ITGA9: variants seen among roughly 807,000 people sequenced by gnomAD.
ITGA9 encodes integrin alpha-9.
In ITGA9, 56 loss-of-function variants were observed where a neutral mutation model predicts 127.8. The ratio of observed to expected loss-of-function variants is 0.44; its 90% CI spans 0.35 to 0.55. The LOEUF is 0.55. Ranked by LOEUF, ITGA9 falls within the 20% of genes least tolerant of loss-of-function variation. The pLI is 0.00. For missense variants in ITGA9, 1,196 were observed against 1,347.1 expected (o/e 0.89, Z 1.76); for synonymous variants, 508 against 514.5 (o/e 0.99, Z 0.17).
At chr3:37,495,316 C>T (rs901478627) in intron 5 of ITGA9, among the ~76,000 whole-genome samples, 2 of 152,174 alleles carry the variant, frequency 1.3e-5, no homozygotes, top group Non-Finnish European at 2.9e-5. Flanking sequence ...GGACAGGACA[C>T]CTGCATGCTT....
intron 18 of ITGA9, among the ~76,000 whole-genome samples, chr3:37,694,045 C>A (rs1700859112): frequency 6.6e-6 from 1 of 152,228 alleles, no homozygotes; most frequent in Admixed American, 6.5e-5. Flanking sequence ...CTTTTCCGCC[C>A]CCTTCCTGTC....
chr3:37,621,969 A>G (rs1052215312), intron 15 of ITGA9, among the ~76,000 whole-genome samples: 3 of 152,126 alleles, frequency 2.0e-5, no homozygotes, highest in Admixed American at 6.5e-5. Context: ...CTGTCAAGTC[A>G]ATATTTATAA....
chr3:37,567,803 C>A (rs1045352260), intron 15 of ITGA9, among the ~76,000 whole-genome samples: 2 of 152,190 alleles, frequency 1.3e-5, no homozygotes, highest in Non-Finnish European at 2.9e-5. Flanking sequence ...GATAGGCTCC[C>A]ATGGACTTGG....
chr3:37,820,096 T>A lies in ITGA9; in HGVS notation c.*1107T>A, dbSNP rs1217029808. The A allele has an allele frequency of 6.6e-6, 1 of 152,164 alleles. No homozygotes were observed. The highest frequency in any genetic ancestry group is 1.9e-4 in the East Asian group (1 of 5,198). 9.4% of individuals were successfully genotyped at this position (152,164 alleles called of 1,614,324 possible). A position where few individuals can be genotyped will look rare whatever the true frequency, so the allele number is the denominator to read the frequency against. On this transcript the variant is annotated 3_prime_UTR_variant, in exon 28 of 28. Transcript: ENST00000264741. The stretch of plus-strand genomic sequence containing the variant: ...AAGAAGCAGTCCCTGAAACAAGGAT[T>A]TGTGTGCAAGTAACTTATTAAGGAA...
At chr3:37,716,965 C>T (rs947303730) in intron 18 of ITGA9, among the ~76,000 whole-genome samples, 3 of 152,162 alleles carry the variant, frequency 2.0e-5, no homozygotes, top group South Asian at 2.1e-4. Flanking sequence ...GTTCTAATTG[C>T]GTATTGATCA....
intron 3 of ITGA9, among the ~76,000 whole-genome samples, chr3:37,479,523 G>A (rs73053296): frequency 0.11 from 16,458 of 152,160 alleles, 1,039 homozygotes; most frequent in Middle Eastern, 0.16. Context: ...AGAAGGCTGT[G>A]ATCTTATCAT....
At chr3:37,803,676 A>G in intron 26 of ITGA9, 147 bp from the exon 27 acceptor site, 2 of 851,096 alleles carry the variant, frequency 2.3e-6, no homozygotes, top group Admixed American at 4.1e-5. Flanking sequence ...TGGGAGGCTA[A>G]GGCAGGAGAA....
chr3:37,525,083 G>C (rs1699080829), intron 12 of ITGA9, among the ~76,000 whole-genome samples: 1 of 152,204 alleles, frequency 6.6e-6, no homozygotes, highest in Admixed American at 6.5e-5. Flanking sequence ...CTTGGACTCA[G>C]ATACTTGGTT....
intron 13 of ITGA9, among the ~76,000 whole-genome samples, chr3:37,529,491 G>T (rs1010082528): frequency 6.6e-6 from 1 of 152,182 alleles, no homozygotes; most frequent in South Asian, 2.1e-4. Flanking sequence ...AAACAAGAAG[G>T]ACAGTGACTC....
intron 19 of ITGA9, among the ~76,000 whole-genome samples, chr3:37,734,243 G>A (rs1051228210): frequency 2.0e-5 from 3 of 152,222 alleles, no homozygotes; most frequent in African/African-American, 7.2e-5. Context: ...TACAGGCCAA[G>A]TCCCATTAGA....
rs1696309452 is a variant in ITGA9 at position 37,732,792 on chromosome 3, G to T, written c.2148G>T (p.Lys716Asn). Residue 716 changes from lysine to asparagine, a missense_variant, in exon 19 of 28, where the codon AAG becomes AAT. Coordinates refer to ENST00000264741, the MANE Select transcript of ITGA9 (RefSeq NM_002207.3). The part of the protein sequence containing the change: ...CSVGFPFMRS[K>N]SKYEFSVIFD... ...TGGGATTTCCTTTCATGAGGTCAAA[G>T]TCAAAGGTAAGGGACACAGACGGGA... 1.2e-6 allele frequency: 2 copies of T among 1,609,170 alleles called. No individual in the cohort carries two copies. Among genetic ancestry groups the T allele is most frequent in the Non-Finnish European group, 1.7e-6 (2 of 1,178,206 alleles).
intron 15 of ITGA9, among the ~76,000 whole-genome samples, chr3:37,618,440 T>C (rs1287643832): frequency 6.6e-6 from 1 of 152,204 alleles, no homozygotes; most frequent in Admixed American, 6.5e-5. Flanking sequence ...GTCTGTCCAT[T>C]CTCAGATCTC....
intron 23 of ITGA9, among the ~76,000 whole-genome samples, chr3:37,771,261 C>T (rs1002163241): frequency 4.6e-5 from 7 of 152,144 alleles, no homozygotes; most frequent in African/African-American, 1.7e-4. Flanking sequence ...GTCTGCAACA[C>T]ATGAAAAAAG....
intron 3 of ITGA9, among the ~76,000 whole-genome samples, chr3:37,475,229 C>T (rs983445835): frequency 6.6e-6 from 1 of 152,240 alleles, no homozygotes; most frequent in Admixed American, 6.5e-5. Flanking sequence ...AAGAAGCTGA[C>T]TCATCTGTAA....
intron 15 of ITGA9, among the ~76,000 whole-genome samples, chr3:37,589,232 G>T (rs991468869): frequency 2.6e-5 from 4 of 152,188 alleles, no homozygotes; most frequent in African/African-American, 9.7e-5. Context: ...GACTGGAGCT[G>T]CTACTATTGT....
At chr3:37,540,352 G>A (rs267540) in intron 14 of ITGA9, among the ~76,000 whole-genome samples, 96,654 of 152,148 alleles carry the variant, frequency 0.64, 31,191 homozygotes, top group East Asian at 0.86. Context: ...TTGCTTAAGC[G>A]AACTTGGAAA....
At chr3:37,714,945 A>G (rs1701119044) in intron 18 of ITGA9, among the ~76,000 whole-genome samples, 1 of 152,146 alleles carries the variant, frequency 6.6e-6, no homozygotes, top group Non-Finnish European at 1.5e-5. Flanking sequence ...CTGTTGTGTG[A>G]CCTTGGAAAG....
intron 15 of ITGA9, among the ~76,000 whole-genome samples, chr3:37,547,548 CT>C (rs924060773): frequency 1.9e-4 from 28 of 148,870 alleles, no homozygotes; most frequent in African/African-American, 3.4e-4. Context: ...GTGATCAAAA[CT>C]TTTTTTTTTT....
At chr3:37,530,717 G>GTTTTTTTTTTTT (rs71094916) in intron 13 of ITGA9, among the ~76,000 whole-genome samples, 3 of 86,254 alleles carry the variant, frequency 3.5e-5, no homozygotes, top group Non-Finnish European at 4.3e-5. Context: ...CAGCTACCAG[G>GTTTTTTTTTTTT]TTTTTTTTTT....
Sources: allele counts gnomAD v4.1 joint callset (sites outside exome capture counted in the v4.1 genomes callset), GRCh38; gene constraint gnomAD v4.1.1; transcripts MANE v1.5; gene names NCBI Gene and HGNC (gene_info 2026-07-23, HGNC 2026-07-21).